The following NTRK2 variants were observed in gnomAD, a reference collection of about 807,000 sequenced individuals.
The protein encoded by NTRK2 is neurotrophic receptor tyrosine kinase 2.
A neutral mutation model predicts 94.5 loss-of-function variants in NTRK2; 13 were observed. The ratio of observed to expected loss-of-function variants is 0.14; its 90% CI spans 0.09 to 0.22. The LOEUF is 0.22. Ranked by LOEUF, NTRK2 falls within the 10% of genes least tolerant of loss-of-function variation. The pLI is 1.00. For missense variants in NTRK2, 639 were observed against 1,071.2 expected (o/e 0.60, Z 5.63); for synonymous variants, 372 against 407.4 (o/e 0.91, Z 1.05).
chr9:84,814,290 C>T (rs1034200124), intron 12 of NTRK2: 4 of 1,065,226 alleles, frequency 3.8e-6, no homozygotes, highest in African/African-American at 3.3e-5. Context: ...AGAGCAGAGG[C>T]GACACCTCTT....
At chr9:84,813,488 C>T (rs1337559980) in intron 12 of NTRK2, 1 of 1,065,244 alleles carries the variant, frequency 9.4e-7, no homozygotes. Context: ...CTTCCCGTTG[C>T]AAATTCACTT....
chr9:84,979,089 A>G (rs553095366), intron 17 of NTRK2, among the ~76,000 whole-genome samples: 8 of 152,354 alleles, frequency 5.3e-5, no homozygotes, highest in African/African-American at 1.9e-4. Context: ...GCCTGCTAAC[A>G]CAACATCCAT....
chr9:84,867,209 T>C, intron 13 of NTRK2, 34 bp from the exon 14 acceptor site: 2 of 1,603,522 alleles, frequency 1.2e-6, no homozygotes. Flanking sequence ...AAGCCATTGA[T>C]TACAGGAGAA....
chr9:84,877,121 T>C, intron 14 of NTRK2: 1 of 1,064,250 alleles, frequency 9.4e-7, no homozygotes, highest in Non-Finnish European at 1.1e-6. Context: ...CCTTCTCGGA[T>C]TGTGTATATG....
chr9:84,763,018 C>A (rs1355483453), intron 12 of NTRK2, among the ~76,000 whole-genome samples: 1 of 152,176 alleles, frequency 6.6e-6, no homozygotes. Flanking sequence ...TCTTGTGTTC[C>A]TAACCAAGTT....
chr9:84,744,059 A>G (rs1167109388), intron 10 of NTRK2, among the ~76,000 whole-genome samples: 2 of 152,224 alleles, frequency 1.3e-5, no homozygotes, highest in Non-Finnish European at 2.9e-5. Flanking sequence ...CCTCTTCAGG[A>G]TGGAAATTGA....
At chr9:84,965,142 G>A (rs1825405449) in intron 17 of NTRK2, among the ~76,000 whole-genome samples, 1 of 152,002 alleles carries the variant, frequency 6.6e-6, no homozygotes, top group African/African-American at 2.4e-5. Context: ...AAAATGAATT[G>A]GTTCAAGAAG....
intron 17 of NTRK2, among the ~76,000 whole-genome samples, chr9:84,973,448 T>C (rs1304089729): frequency 3.9e-5 from 6 of 152,112 alleles, no homozygotes; most frequent in Non-Finnish European, 7.4e-5. Flanking sequence ...CTGTAATGAG[T>C]GTGAAATGAA....
chr9:84,737,935 AC>A (rs1181083553), intron 9 of NTRK2, among the ~76,000 whole-genome samples: 1 of 151,514 alleles, frequency 6.6e-6, no homozygotes, highest in Non-Finnish European at 1.5e-5. Context: ...AGGATGCTCA[AC>A]ACGTTCTTCA....
intron 12 of NTRK2, among the ~76,000 whole-genome samples, chr9:84,823,104 A>G (rs550115938): frequency 6.6e-6 from 1 of 151,358 alleles, no homozygotes; most frequent in East Asian, 1.9e-4. Flanking sequence ...TTTTTTTTTA[A>G]AAGTACCCAG....
chr9:84,707,162 T>G (rs928314853), intron 4 of NTRK2, among the ~76,000 whole-genome samples: 1 of 152,126 alleles, frequency 6.6e-6, no homozygotes, highest in African/African-American at 2.4e-5. Flanking sequence ...TGTCAGTAAA[T>G]TATTATTTTT....
chr9:84,685,069 T>G (rs1249535420), intron 2 of NTRK2, among the ~76,000 whole-genome samples: 1 of 152,240 alleles, frequency 6.6e-6, no homozygotes, highest in East Asian at 1.9e-4. Context: ...TTATATTTTC[T>G]TCTACTACTT....
intron 12 of NTRK2, among the ~76,000 whole-genome samples, chr9:84,841,190 G>A (rs62562452): frequency 6.6e-5 from 10 of 152,144 alleles, no homozygotes; most frequent in Admixed American, 1.3e-4. Context: ...CCTGTCTTCC[G>A]AACTGTAGGC....
rs35363257 is a variant in NTRK2, at chr9:84,770,153, A to AACACACACACACAC, written c.1396+18096_1396+18109dup. Among the ~76,000 whole-genome samples, 1,037 of 136,992 alleles carry AACACACACACACAC rather than the reference A, an allele frequency of 7.6e-3. 6 individuals carry two copies. Among genetic ancestry groups the AACACACACACACAC allele is most frequent in the African/African-American group, 0.016 (575 of 35,866 alleles). The allele number at this position is 136,992 out of a possible 152,430, so 89.9% of individuals were successfully genotyped here. On this transcript the variant is annotated intron_variant, in intron 12 of 18. Transcript: ENST00000277120. Reference sequence around the variant, plus strand: ...TCCCCACTCCTGGCATGTGCATGAGAACACACACACACACACACACACACA... The same window carrying AACACACACACACAC: ...TCCCCACTCCTGGCATGTGCATGAGAACACACACACACACACACACACACACACACACACACACA...
chr9:84,950,274 G>A (rs576506530), intron 16 of NTRK2, among the ~76,000 whole-genome samples: 1 of 152,360 alleles, frequency 6.6e-6, no homozygotes, highest in Non-Finnish European at 1.5e-5. Context: ...GCAGGAAGTT[G>A]GTGATCACCC....
intron 17 of NTRK2, among the ~76,000 whole-genome samples, chr9:85,018,468 C>G (rs908646119): frequency 1.3e-5 from 2 of 152,186 alleles, no homozygotes; most frequent in African/African-American, 4.8e-5. Context: ...AAGCAGTCCT[C>G]TCCTTGGCAT....
chr9:84,818,291 G>A (rs968102376), intron 12 of NTRK2, among the ~76,000 whole-genome samples: 2 of 152,188 alleles, frequency 1.3e-5, no homozygotes, highest in Non-Finnish European at 2.9e-5. Flanking sequence ...GCTGGGGCTA[G>A]AGCGAGGCCA....
At chr9:84,924,778 C>G (rs571793866) in intron 14 of NTRK2, among the ~76,000 whole-genome samples, 1 of 152,172 alleles carries the variant, frequency 6.6e-6, no homozygotes, top group East Asian at 1.9e-4. Context: ...AAGCCTTTCT[C>G]CCTCCACTCC....
At chr9:84,810,630 T>C (rs1386545788) in intron 12 of NTRK2, 4 of 1,613,474 alleles carry the variant, frequency 2.5e-6, no homozygotes, top group Non-Finnish European at 3.4e-6. Flanking sequence ...TGTTGGTTGA[T>C]GCTGCCATGT....
Sources: gnomAD v4.1 joint callset for allele counts (sites outside exome capture counted in the v4.1 genomes callset) on GRCh38, gnomAD v4.1.1 for gene constraint, MANE v1.5 for transcripts, NCBI Gene and HGNC (gene_info 2026-07-23, HGNC 2026-07-21) for gene names.